Variants in PPP1R9A observed in about 807,000 individuals in gnomAD.
PPP1R9A encodes neurabin-1.
Under a neutral mutation model 141.9 loss-of-function variants are expected in PPP1R9A, and 59 were observed. The ratio of observed to expected loss-of-function variants is 0.42; its 90% confidence interval spans 0.34 to 0.52. The LOEUF (loss-of-function observed/expected upper bound fraction) is 0.52. Ranked by LOEUF, PPP1R9A falls within the 20% of genes least tolerant of loss-of-function variation. The pLI is 0.10. For synonymous variants in PPP1R9A, 500 were observed against 569.7 expected, an observed-to-expected ratio of 0.88 and a Z score of 1.74; for missense variants, 1,444 against 1,611.9, an observed-to-expected ratio of 0.90 and a Z score of 1.78.
At chr7:95,129,299 T>C (rs1200136186) in intron 4 of PPP1R9A, among the ~76,000 whole-genome samples, 2 of 152,106 alleles carry the variant, frequency 1.3e-5, no homozygotes, top group African/African-American at 4.8e-5. Flanking sequence ...ATTCTTGTGA[T>C]AGTGAATGAA....
In PPP1R9A at chr7:95,284,076, T is replaced by G. The variant is rs1489413922; in HGVS notation, c.3355T>G (p.Ser1119Ala). The G allele has an allele frequency of 6.3e-7, 1 of 1,597,350 alleles. No homozygotes were observed. The highest frequency in any genetic ancestry group is 1.7e-5 in the Admixed American group (1 of 59,934). ...CAAGCCATGTTCAACAGCTCAGACC[T>G]CCACTCGTTCCCCTTGCATGCCTTT... The part of the protein sequence containing the change: ...TPKPCSTAQT[S>A]TRSPCMPFSW... The change falls in exon 17 of 20, where the codon TCC (serine) becomes GCC (alanine). Residue 1119 changes from serine (S) to alanine (A), a missense_variant. Around this residue, in one of 5 missense-constraint regions of PPP1R9A, gnomAD observed 459 missense variants for 513.8 expected, o/e 0.89. Coordinates refer to ENST00000433360, the MANE Select transcript of PPP1R9A (RefSeq NM_001166160.2).
chr7:95,188,910 A>T (rs1483726783), intron 5 of PPP1R9A, among the ~76,000 whole-genome samples: 4 of 151,860 alleles, frequency 2.6e-5, no homozygotes, highest in African/African-American at 9.7e-5. Flanking sequence ...GCCCCATGAG[A>T]TTTATGCTTC....
At chr7:94,977,687 G>A (rs1423575932) in intron 2 of PPP1R9A, among the ~76,000 whole-genome samples, 1 of 152,048 alleles carries the variant, frequency 6.6e-6, no homozygotes, top group Non-Finnish European at 1.5e-5. Flanking sequence ...CAAATCAGGG[G>A]ATATAGAGAA....
chr7:95,274,941 G>A (rs1943964362), intron 16 of PPP1R9A, among the ~76,000 whole-genome samples: 2 of 152,276 alleles, frequency 1.3e-5, no homozygotes, highest in South Asian at 2.1e-4. Flanking sequence ...TAAGGTCAGT[G>A]TAAGGATTCA....
At chr7:95,036,477 A>G (rs1808437393) in intron 2 of PPP1R9A, 1 of 152,190 alleles carries the variant, frequency 6.6e-6, no homozygotes, top group African/African-American at 2.4e-5. Flanking sequence ...GATCCACCCA[A>G]GAGCCAGTTA....
At chr7:95,198,550 T>G in intron 6 of PPP1R9A, 66 bp downstream of exon 6, 1 of 1,452,130 alleles carries the variant, frequency 6.9e-7, no homozygotes, top group Non-Finnish European at 9.2e-7. Context: ...CTCTACTGTA[T>G]AACAGTATGA....
At chr7:95,179,778 CA>C (rs61054939) in intron 5 of PPP1R9A, among the ~76,000 whole-genome samples, 2,697 of 96,954 alleles carry the variant, frequency 0.028, 47 homozygotes, top group South Asian at 0.15. Flanking sequence ...ACAATAGCTG[CA>C]AAAAAAAAAA....
rs555270456 is a variant in PPP1R9A, at chr7:95,091,915, T to C, written c.1396-19344T>C. Among the ~76,000 whole-genome samples, 5 of 150,522 alleles carry C rather than the reference T, an allele frequency of 3.3e-5. No homozygotes were observed. In the South Asian group the frequency reaches 8.3e-4, roughly 25 times the overall value. ...TGGACTTGTATTTCGTTGTCACTTA[T>C]GTATTTCCTGTGTGTCTTTGGGCCA... On this transcript the variant is annotated intron_variant, in intron 2 of 19. Transcript: ENST00000433360.
In PPP1R9A at chr7:95,226,206, G is replaced by C. The variant is rs1220208603; in HGVS notation, c.2112+90G>C. 13 of 1,308,784 alleles carry C rather than the reference G, an allele frequency of 9.9e-6. No homozygotes were observed. In the African/African-American group the frequency reaches 1.9e-4, roughly 20 times the overall value. The allele number at this position is 1,308,784 out of a possible 1,614,324, so 81.1% of individuals were successfully genotyped here. On this transcript the variant is annotated intron_variant, in intron 8 of 19. Coordinates refer to ENST00000433360, the MANE Select transcript of PPP1R9A (RefSeq NM_001166160.2). Reference sequence around the variant, plus strand: ...TCAAATAATATATTAAGAATAATCAGTTTGCAAATCAAAGCTTTTTAATAA... The same window carrying C: ...TCAAATAATATATTAAGAATAATCACTTTGCAAATCAAAGCTTTTTAATAA...
intron 2 of PPP1R9A, among the ~76,000 whole-genome samples, chr7:95,055,263 C>G (rs538799172): frequency 4.7e-5 from 7 of 148,886 alleles, no homozygotes; most frequent in Admixed American, 2.0e-4. Flanking sequence ...TAAAATATTG[C>G]TATTTTCCAA....
chr7:95,274,479 T>G (rs1447881457), intron 16 of PPP1R9A, among the ~76,000 whole-genome samples: 1 of 152,264 alleles, frequency 6.6e-6, no homozygotes, highest in African/African-American at 2.4e-5. Flanking sequence ...TATATTTATG[T>G]GATACTTCAG....
intron 8 of PPP1R9A, among the ~76,000 whole-genome samples, chr7:95,229,330 G>C (rs1795581320): frequency 1.3e-5 from 2 of 152,006 alleles, no homozygotes; most frequent in Non-Finnish European, 2.9e-5. Flanking sequence ...GTGTGAGTCT[G>C]CTTGCTTTCT....
intron 2 of PPP1R9A, among the ~76,000 whole-genome samples, chr7:95,081,991 T>C (rs1184666897): frequency 6.6e-6 from 1 of 152,196 alleles, no homozygotes; most frequent in Non-Finnish European, 1.5e-5. Context: ...CTTATAGTAT[T>C]GGATTGCCTT....
At chr7:95,172,060 TA>T (rs1832197491) in intron 5 of PPP1R9A, among the ~76,000 whole-genome samples, 1 of 151,606 alleles carries the variant, frequency 6.6e-6, no homozygotes, top group South Asian at 2.1e-4. Context: ...TAGATTTTTT[TA>T]AAAAAGCTCT....
chr7:95,217,927 G>A (rs966315013), intron 7 of PPP1R9A, among the ~76,000 whole-genome samples: 5 of 152,044 alleles, frequency 3.3e-5, no homozygotes, highest in African/African-American at 1.2e-4. Flanking sequence ...ACCAGCTCCT[G>A]GATTCACGGA....
intron 14 of PPP1R9A, among the ~76,000 whole-genome samples, chr7:95,271,236 C>T (rs1283326177): frequency 2.0e-5 from 3 of 152,120 alleles, no homozygotes; most frequent in Non-Finnish European, 2.9e-5. Context: ...TCTTAGATAA[C>T]TTGCCATATT....
At chr7:95,247,661 C>T in intron 9 of PPP1R9A, 135 bp downstream of exon 9, 2 of 700,622 alleles carry the variant, frequency 2.9e-6, no homozygotes, top group Non-Finnish European at 4.6e-6. Flanking sequence ...TTTTCACTGT[C>T]AGGTACGTAG....
intron 2 of PPP1R9A, among the ~76,000 whole-genome samples, chr7:94,963,476 C>T (rs1797865510): frequency 1.3e-5 from 2 of 152,248 alleles, no homozygotes; most frequent in South Asian, 4.1e-4. Context: ...TAGCCACAGG[C>T]AGCTGCTAAT....
At chr7:95,047,106 A>G (rs1810132213) in intron 2 of PPP1R9A, among the ~76,000 whole-genome samples, 2 of 152,222 alleles carry the variant, frequency 1.3e-5, no homozygotes, top group East Asian at 1.9e-4. Flanking sequence ...AACACACACC[A>G]TAGTTGGCAG....
Sources: allele counts gnomAD v4.1 joint callset (sites outside exome capture counted in the v4.1 genomes callset), GRCh38; gene constraint gnomAD v4.1.1; regional missense constraint gnomAD v4.1.1; transcripts MANE v1.5; gene names NCBI Gene and HGNC (gene_info 2026-07-23, HGNC 2026-07-21).